The following GREM2 variants were observed in gnomAD, a reference collection of about 807,000 sequenced individuals.
The protein encoded by GREM2 is gremlin 2, DAN family BMP antagonist.
Under a neutral mutation model 14.2 loss-of-function variants are expected in GREM2, and 11 were observed. The ratio of observed to expected loss-of-function variants is 0.78; its 90% confidence interval spans 0.49 to 1.28. The LOEUF (loss-of-function observed/expected upper bound fraction) is 1.28, where lower values mean the gene tolerates loss of function less well. GREM2 is among the 50% of genes most tolerant of loss of function. GREM2 has a pLI of 0.00. For missense variants in GREM2, 210 were observed against 218.5 expected (o/e 0.96, Z 0.24); for synonymous variants, 98 against 97.6 (o/e 1.00, Z -0.02).
Position 240,590,387 on chromosome 1 carries a change from G to A in GREM2, c.-2+21497C>T, listed in dbSNP as rs114933041. On this transcript the variant is annotated intron_variant, in intron 1 of 1. Coordinates refer to ENST00000318160, the MANE Select transcript of GREM2 (RefSeq NM_022469.4). ...AAGTTCCTAGAAAATATCTGGTCCT[G>A]CTCTTTATGGGTTTGAGGATTTTTT... Among the ~76,000 whole-genome samples, 827 of 151,018 alleles carry A rather than the reference G, an allele frequency of 5.5e-3. 7 individuals carry two copies. Among genetic ancestry groups the A allele is most frequent in the African/African-American group, 0.019 (763 of 41,156 alleles).
chr1:240,519,365 C>G (rs572803281), intron 1 of GREM2, among the ~76,000 whole-genome samples: 1 of 150,130 alleles, frequency 6.7e-6, no homozygotes, highest in African/African-American at 2.4e-5. Context: ...CCTTTATTTC[C>G]TTTCTTTTTG....
chr1:240,502,155 A>G (rs888386794), intron 1 of GREM2, among the ~76,000 whole-genome samples: 1 of 152,206 alleles, frequency 6.6e-6, no homozygotes. Context: ...CTGTCTCTGT[A>G]TACATAAAAA....
intron 1 of GREM2, among the ~76,000 whole-genome samples, chr1:240,596,800 A>C (rs1345693583): frequency 6.6e-6 from 1 of 152,130 alleles, no homozygotes; most frequent in Admixed American, 6.6e-5. Flanking sequence ...CAGGATTTCA[A>C]TTCAGCTGCC....
In GREM2 at chr1:240,543,351, G is replaced by T. The variant is rs917479716; in HGVS notation, c.-1-49875C>A. Among the ~76,000 whole-genome samples the T allele has an allele frequency of 6.6e-6, 1 of 152,184 alleles. No individual in the cohort carries two copies. The highest frequency in any genetic ancestry group is 1.5e-5 in the Non-Finnish European group (1 of 68,028). The stretch of plus-strand genomic sequence containing the variant: ...TTTACTCACAGTTCCACATGGCTGG[G>T]GAGGCCTCACAATCAAGGCAGAAGA... On this transcript the variant is annotated intron_variant, in intron 1 of 1. Transcript: ENST00000318160. The surrounding 1 kb of genome is among the most constrained non-coding windows in gnomAD (Gnocchi z 6.4).
rs184588769 is a variant in GREM2 at position 240,537,642 on chromosome 1, G to A, written c.-1-44166C>T. ...TCTACTAAAAATACAAAAGTTAGCCGAGCATGGTGGCGCGTGCCTGTAATC... is the reference window on the plus strand; with the variant it reads ...TCTACTAAAAATACAAAAGTTAGCCAAGCATGGTGGCGCGTGCCTGTAATC... On this transcript the variant is annotated intron_variant, in intron 1 of 1. Coordinates refer to ENST00000318160, the MANE Select transcript of GREM2 (RefSeq NM_022469.4). 5.1e-4 allele frequency among the ~76,000 whole-genome samples: 77 copies of A among 152,162 alleles called. 1 individual carries two copies. The highest frequency in any genetic ancestry group is 1.4e-3 in the African/African-American group (59 of 41,530).
chr1:240,577,182 G>A (rs938456595), intron 1 of GREM2, among the ~76,000 whole-genome samples: 1 of 152,154 alleles, frequency 6.6e-6, no homozygotes, highest in Admixed American at 6.5e-5. Context: ...ATTGCTGGCA[G>A]CGTCGAGATC....
chr1:240,570,199 C>T (rs770318306), intron 1 of GREM2, among the ~76,000 whole-genome samples: 8 of 152,160 alleles, frequency 5.3e-5, no homozygotes, highest in Non-Finnish European at 1.0e-4. Context: ...TGCAGTGGCT[C>T]ATGCCTGTAA....
chr1:240,496,424 T>C (rs1482201205), intron 1 of GREM2, among the ~76,000 whole-genome samples: 3 of 152,238 alleles, frequency 2.0e-5, no homozygotes, highest in Admixed American at 2.0e-4. Flanking sequence ...CCCAAATGTC[T>C]ACTTGGCCTT....
At chr1:240,528,769 C>T (rs1376859702) in intron 1 of GREM2, among the ~76,000 whole-genome samples, 1 of 152,166 alleles carries the variant, frequency 6.6e-6, no homozygotes, top group East Asian at 1.9e-4. Flanking sequence ...GATGAACAGC[C>T]TGCCTGCTGG....
intron 1 of GREM2, among the ~76,000 whole-genome samples, chr1:240,538,453 G>T (rs1678521016): frequency 6.6e-6 from 1 of 152,044 alleles, no homozygotes; most frequent in Non-Finnish European, 1.5e-5. Context: ...TGTAATCCCA[G>T]CACTTTGGCA....
At chr1:240,499,023 G>A (rs768944450) in intron 1 of GREM2, among the ~76,000 whole-genome samples, 7 of 152,198 alleles carry the variant, frequency 4.6e-5, no homozygotes, top group Non-Finnish European at 1.0e-4. Context: ...GTAGATACCA[G>A]AATAAGGACT....
At chr1:240,588,421 C>T (rs980331587) in intron 1 of GREM2, 2 of 152,430 alleles carry the variant, frequency 1.3e-5, no homozygotes, top group African/African-American at 2.4e-5. Context: ...AGCAGAGCTT[C>T]GGAGGTTGTG....
chr1:240,549,237 G>A (rs1298852764), intron 1 of GREM2, among the ~76,000 whole-genome samples: 3 of 151,872 alleles, frequency 2.0e-5, no homozygotes, highest in Admixed American at 6.6e-5. Flanking sequence ...TCGAGAGGCC[G>A]AGGCAGGAGA....
intron 1 of GREM2, among the ~76,000 whole-genome samples, chr1:240,563,186 C>G (rs1482356443): frequency 6.8e-6 from 1 of 147,112 alleles, no homozygotes; most frequent in Non-Finnish European, 1.5e-5. Flanking sequence ...TGTATGTGTA[C>G]GTGTGTGAGT....
intron 1 of GREM2, among the ~76,000 whole-genome samples, chr1:240,570,807 G>T (rs1679246474): frequency 6.6e-6 from 1 of 152,144 alleles, no homozygotes; most frequent in African/African-American, 2.4e-5. Context: ...GCCATGTCAT[G>T]AATACTTTTA....
chr1:240,562,995 TGTGTATATGTGA>T (rs1679093667), intron 1 of GREM2, among the ~76,000 whole-genome samples: 1 of 147,952 alleles, frequency 6.8e-6, no homozygotes, highest in Non-Finnish European at 1.5e-5. Flanking sequence ...AGTGTGTATG[TGTGTATATGTGA>T]GTGTATGTGT....
At chr1:240,594,537 A>G (rs1018118769) in intron 1 of GREM2, among the ~76,000 whole-genome samples, 3 of 152,208 alleles carry the variant, frequency 2.0e-5, no homozygotes, top group Non-Finnish European at 4.4e-5. Context: ...TGGGTAGAAC[A>G]TTTGAGAATT....
chr1:240,587,467 A>G (rs1679620718), intron 1 of GREM2, among the ~76,000 whole-genome samples: 5 of 151,706 alleles, frequency 3.3e-5, no homozygotes. Flanking sequence ...GGCTACAAGC[A>G]TAAGCCACTG....
intron 1 of GREM2, among the ~76,000 whole-genome samples, chr1:240,547,499 C>CA (rs200373636): frequency 0.018 from 1,613 of 87,470 alleles, 27 homozygotes; most frequent in African/African-American, 0.031. Context: ...GACTCCATCT[C>CA]AAAAAAAAAA....
Sources: allele counts gnomAD v4.1 joint callset (sites outside exome capture counted in the v4.1 genomes callset), GRCh38; gene constraint gnomAD v4.1.1; non-coding constraint Gnocchi (gnomAD v3.1); transcripts MANE v1.5; gene names NCBI Gene and HGNC (gene_info 2026-07-23, HGNC 2026-07-21).